The following SMG1 variants were observed in gnomAD, a reference collection of about 807,000 sequenced individuals.
SMG1 encodes the protein SMG1 nonsense mediated mRNA decay associated PI3K related kinase.
A neutral mutation model predicts 419.9 loss-of-function variants in SMG1; 22 were observed. That is an observed-to-expected ratio of 0.05 (90% CI 0.04 to 0.07). The LOEUF (loss-of-function observed/expected upper bound fraction) is 0.07. SMG1 is among the 10% of genes least tolerant of loss of function. The pLI is 1.00. For missense variants in SMG1, 3,185 were observed against 4,342.0 expected (o/e 0.73, Z 7.49); for synonymous variants, 1,538 against 1,553.5 (o/e 0.99, Z 0.23).
At chr16:18,913,839 G>A (rs1380434601) in intron 1 of SMG1, among the ~76,000 whole-genome samples, 7 of 151,906 alleles carry the variant, frequency 4.6e-5, no homozygotes, top group Admixed American at 6.6e-5. Flanking sequence ...TAGGAAGTTC[G>A]GTAACAAAAA....
chr16:18,814,769 G>T (rs970818550), intron 60 of SMG1, among the ~76,000 whole-genome samples: 1 of 151,436 alleles, frequency 6.6e-6, no homozygotes, highest in Non-Finnish European at 1.5e-5. Context: ...GTAGAGACAA[G>T]GTTTCACCAT....
At chr16:18,918,130 C>T (rs1323025420) in intron 1 of SMG1, among the ~76,000 whole-genome samples, 2 of 151,694 alleles carry the variant, frequency 1.3e-5, no homozygotes, top group Non-Finnish European at 1.5e-5. Flanking sequence ...TGTGGTGGTG[C>T]GTGCCTGTAA....
At position 18,868,653 on chromosome 16, in the gene SMG1, G is replaced by A; in HGVS notation, c.2900C>T (p.Ala967Val). 1 of 1,569,470 alleles carries A rather than the reference G, an allele frequency of 6.4e-7. No homozygotes were observed. Among genetic ancestry groups the A allele is most frequent in the Middle Eastern group, 2.3e-4 (1 of 4,386 alleles). The change falls in exon 21 of 63, where the codon GCA (alanine) becomes GTA (valine). Residue 967 changes from alanine to valine, a missense_variant. By Grantham distance (64) the Ala-to-Val change is moderately conservative. This residue lies in a region of SMG1 where 70 missense variants were observed against 185.7 expected (regional missense o/e 0.38). Transcript: ENST00000446231. Reference protein sequence around the residue: ...PDQDVSQWTTADNDEGHGNNQ... With the variant: ...PDQDVSQWTTVDNDEGHGNNQ... Reference sequence around the variant, plus strand: ...GTTACCATGGCCTTCATCATTGTCTGCAGTTGTCCACTGACTAACATCCTG... The same window carrying A: ...GTTACCATGGCCTTCATCATTGTCTACAGTTGTCCACTGACTAACATCCTG...
intron 6 of SMG1, among the ~76,000 whole-genome samples, chr16:18,887,300 T>C (rs1220731530): frequency 6.6e-6 from 1 of 152,112 alleles, no homozygotes. Context: ...GGTAATTTTC[T>C]GAATCTTCCC....
rs772569595 is a variant in SMG1, at chr16:18,853,797, T to C, written c.4554A>G (p.Glu1518=). The change falls in exon 31 of 63, where the codon GAA becomes GAG. Residue 1518 remains glutamate, a synonymous_variant. Coordinates refer to ENST00000446231, the MANE Select transcript of SMG1 (RefSeq NM_015092.5). ...AISFCKSVKA[E]YAVAKSILTL... Reference sequence around the variant, plus strand: ...TCAGAATTGATTTAGCAACTGCATATTCAGCTTTCACAGACTTGCAGAAAG... The same window carrying C: ...TCAGAATTGATTTAGCAACTGCATACTCAGCTTTCACAGACTTGCAGAAAG... 6.8e-6 allele frequency: 11 copies of C among 1,613,746 alleles called. No individual in the cohort carries two copies. In the South Asian group the frequency reaches 1.2e-4, roughly 18 times the overall value.
Position 18,807,816 on chromosome 16 carries a change from G to C in SMG1, c.*1753C>G, listed in dbSNP as rs1249330374. The C allele has an allele frequency of 1.3e-5, 2 of 152,156 alleles. No individual in the cohort carries two copies. The highest frequency in any genetic ancestry group is 2.9e-5 in the Non-Finnish European group (2 of 68,058). The allele number at this position is 152,156 out of a possible 1,614,324, so 9.4% of individuals were successfully genotyped here. A position where few individuals can be genotyped will look rare whatever the true frequency, so the allele number is the denominator to read the frequency against. ...GCTCTGTTGCCCAGGCTGGAGTGCA[G>C]TGGCACAATCTCGGCTCACTGCAAG... On this transcript the variant is annotated 3_prime_UTR_variant, in exon 63 of 63. Coordinates refer to ENST00000446231, the MANE Select transcript of SMG1 (RefSeq NM_015092.5).
chr16:18,921,128 ACT>A (rs1281668713), intron 1 of SMG1, among the ~76,000 whole-genome samples: 3 of 145,186 alleles, frequency 2.1e-5, no homozygotes, highest in Non-Finnish European at 4.5e-5. Flanking sequence ...ACAAAGTAAA[ACT>A]CTGTCTCAAA....
intron 33 of SMG1, among the ~76,000 whole-genome samples, chr16:18,851,301 G>A (rs1261310532): frequency 6.6e-6 from 1 of 152,212 alleles, no homozygotes; most frequent in African/African-American, 2.4e-5. Flanking sequence ...TAGAATTGAC[G>A]GAACTCTGAA....
chr16:18,852,560 A>G lies in SMG1; in HGVS notation c.4769-98T>C, dbSNP rs74337241. The G allele has an allele frequency of 7.7e-4, 830 of 1,076,928 alleles. 3 individuals carry two copies. The East Asian group carries it at 0.017, about 22-fold the overall frequency. 66.7% of individuals were successfully genotyped at this position (1,076,928 alleles called of 1,614,324 possible). On this transcript the variant is annotated intron_variant, in intron 31 of 62. Transcript: ENST00000446231. ...ATTTCCATTAGCATTTTAGGTTTTT[A>G]TCTGCAAGCAATCAAAAGTTCCAAA...
Position 18,829,452 on chromosome 16 carries a change from A to G in SMG1, c.9437T>C (p.Ile3146Thr). ...DLCKKAVEHN[I>T]QIGKFSQLVM... is the part of the protein sequence containing the mutation. ...CAGCTGAGAGAACTTCCCTATCTGGATGTTATGTTCCACCGCTTTCTTACA... is the reference window on the plus strand; with the variant it reads ...CAGCTGAGAGAACTTCCCTATCTGGGTGTTATGTTCCACCGCTTTCTTACA... Residue 3146 changes from isoleucine to threonine, a missense_variant, in exon 54 of 63, where the codon ATC (isoleucine) becomes ACC (threonine). Transcript: ENST00000446231. 6.2e-7 allele frequency: 1 copy of G among 1,614,000 alleles called. No individual in the cohort carries two copies. The highest frequency in any genetic ancestry group is 8.5e-7 in the Non-Finnish European group (1 of 1,179,888).
Position 18,836,004 on chromosome 16 carries a change from T to C in SMG1, c.7986A>G (p.Glu2662=). Residue 2662 remains glutamate, a synonymous_variant, in exon 48 of 63, where the codon GAA becomes GAG. Transcript: ENST00000446231. ...PKAIFQKHRI[E]QWKTWMEELI... ...GCTCTTCCATCCAGGTCTTCCACTG[T>C]TCAATTCGATGTTTCTGAAATATGG... The C allele has an allele frequency of 6.4e-7, 1 of 1,560,430 alleles. No individual in the cohort carries two copies. Among genetic ancestry groups the C allele is most frequent in the South Asian group, 1.2e-5 (1 of 84,536 alleles).
intron 1 of SMG1, among the ~76,000 whole-genome samples, chr16:18,918,999 C>T (rs1017962537): frequency 6.6e-6 from 1 of 152,188 alleles, no homozygotes; most frequent in East Asian, 1.9e-4. Flanking sequence ...TAACTTATAG[C>T]CTCCTTGAAG....
chr16:18,864,076 G>C lies in SMG1; in HGVS notation c.3419C>G (p.Ser1140Cys). ...CAMTGVDCCI[S>C]SFDKSVLTLA... ...GGTGAGCACCGATTTGTCAAAGCTG[G>C]AGATGCAGCAATCAACACCTGTCAT... The change falls in exon 24 of 63, where the codon TCC becomes TGC. Residue 1140 changes from serine (S) to cysteine (C), a missense_variant. Transcript: ENST00000446231. The C allele has an allele frequency of 6.5e-7, 1 of 1,549,758 alleles. No homozygotes were observed. Among genetic ancestry groups the C allele is most frequent in the South Asian group, 1.2e-5 (1 of 83,968 alleles).
Position 18,886,640 on chromosome 16 carries a change from A to G in SMG1, c.823-974T>C, listed in dbSNP as rs1193194517. ...CAGCATGATGAACTCCGTCTCTACT[A>G]AAAATATAAAAATTAGCAGAGCACA... On this transcript the variant is annotated intron_variant, in intron 6 of 62. Coordinates refer to ENST00000446231, the MANE Select transcript of SMG1 (RefSeq NM_015092.5). 2.6e-5 allele frequency among the ~76,000 whole-genome samples: 4 copies of G among 152,144 alleles called. No individual in the cohort carries two copies. The East Asian group carries it at 5.8e-4, about 22-fold the overall frequency.
intron 33 of SMG1, among the ~76,000 whole-genome samples, chr16:18,851,073 A>T (rs991657329): frequency 2.0e-5 from 3 of 152,088 alleles, no homozygotes; most frequent in Non-Finnish European, 4.4e-5. Flanking sequence ...CAAAAAAAAT[A>T]AGCACAATCT....
rs1172537672 is a variant in SMG1 at position 18,925,320 on chromosome 16, G to GAA, written c.92+629_92+630insTT. The GAA allele has an allele frequency of 2.6e-5, 4 of 152,152 alleles. No individual in the cohort carries two copies. The South Asian group carries it at 8.3e-4, about 31-fold the overall frequency. The allele number at this position is 152,152 out of a possible 1,614,324, so 9.4% of individuals were successfully genotyped here. A position where few individuals can be genotyped will look rare whatever the true frequency, so the allele number is the denominator to read the frequency against. ...ACTCAAGTGTCCAGGTATGAATTAC[G>GAA]ATTCACCAGAGTAACCGGCCTTGCA... On this transcript the variant is annotated intron_variant, in intron 1 of 62. Transcript: ENST00000446231.
chr16:18,873,069 G>A (rs1427842546), intron 13 of SMG1, among the ~76,000 whole-genome samples: 7 of 152,018 alleles, frequency 4.6e-5, no homozygotes, highest in South Asian at 2.1e-4. Context: ...CAGGAGAATC[G>A]CTTGAACCTG....
chr16:18,871,265 G>C, intron 16 of SMG1, 99 bp downstream of exon 16: 1 of 582,720 alleles, frequency 1.7e-6, no homozygotes, highest in African/African-American at 1.9e-5. Context: ...ACATCTTCAG[G>C]TCAGGAAAAC....
intron 55 of SMG1, among the ~76,000 whole-genome samples, chr16:18,822,575 G>C: frequency 5.6e-5 from 1 of 17,768 alleles, no homozygotes; most frequent in Non-Finnish European, 1.2e-4. Flanking sequence ...TAGATATGCG[G>C]CATTATTTCT....
Sources: gnomAD v4.1 joint callset for allele counts (sites outside exome capture counted in the v4.1 genomes callset) on GRCh38, gnomAD v4.1.1 for gene constraint, gnomAD v4.1.1 regional missense constraint, MANE v1.5 for transcripts, NCBI Gene and HGNC (gene_info 2026-07-23, HGNC 2026-07-21) for gene names.